ABI3BP: variants seen among roughly 807,000 people sequenced by gnomAD.
The protein encoded by ABI3BP is ABI family member 3 binding protein.
Under a neutral mutation model 268.6 loss-of-function variants are expected in ABI3BP, and 216 were observed. The ratio of observed to expected loss-of-function variants is 0.80; its 90% CI spans 0.72 to 0.90. The LOEUF is 0.90. Among genes scored for constraint, ABI3BP ranks in the 40% least tolerant of loss-of-function variants. The probability of loss-of-function intolerance (pLI) is 0.00; values close to 1 mark genes in which losing one functional copy is unlikely to be tolerated. For synonymous variants in ABI3BP, 730 were observed against 730.0 expected (o/e 1.00, Z 0.00); for missense variants, 2,090 against 2,182.4 (o/e 0.96, Z 0.84).
Position 100,778,388 on chromosome 3 carries a change from G to T in ABI3BP, c.4241-12C>A. 2 of 1,607,678 alleles carry T rather than the reference G, an allele frequency of 1.2e-6. No individual in the cohort carries two copies. The highest frequency in any genetic ancestry group is 1.3e-5 in the African/African-American group (1 of 74,706). Reference sequence around the variant, plus strand: ...TGGGCGGCGAGTCCCTGGGATTGTGGATAAGAGATTGTATTTTAGATAAAG... The same window carrying T: ...TGGGCGGCGAGTCCCTGGGATTGTGTATAAGAGATTGTATTTTAGATAAAG... On this transcript the variant is annotated splice_polypyrimidine_tract_variant and intron_variant, in intron 58 of 67. Coordinates refer to ENST00000471714, the MANE Select transcript of ABI3BP (RefSeq NM_001375547.2).
chr3:100,855,780 A>G (rs2098932607), intron 14 of ABI3BP, among the ~76,000 whole-genome samples: 1 of 152,260 alleles, frequency 6.6e-6, no homozygotes. Flanking sequence ...AAATATATGA[A>G]GGAGCAATGA....
At chr3:100,950,014 T>C (rs1294564756) in intron 1 of ABI3BP, among the ~76,000 whole-genome samples, 1 of 152,214 alleles carries the variant, frequency 6.6e-6, no homozygotes, top group Non-Finnish European at 1.5e-5. Flanking sequence ...GAAGATTAAG[T>C]AAAACAGATT....
chr3:100,923,623 T>C (rs2153627947), intron 2 of ABI3BP, among the ~76,000 whole-genome samples: 1 of 152,236 alleles, frequency 6.6e-6, no homozygotes, highest in South Asian at 2.1e-4. Context: ...CTCATAACAA[T>C]GAAAATTTAC....
intron 14 of ABI3BP, among the ~76,000 whole-genome samples, chr3:100,860,537 T>C (rs1560937143): frequency 1.3e-5 from 2 of 152,346 alleles, no homozygotes; most frequent in Admixed American, 1.3e-4. Flanking sequence ...TTTCCTTTAT[T>C]GGCATTTCCG....
At chr3:100,818,750 G>A (rs1476766970) in intron 40 of ABI3BP, among the ~76,000 whole-genome samples, 169 bp from the exon 41 acceptor site, 2 of 152,040 alleles carry the variant, frequency 1.3e-5, no homozygotes, top group African/African-American at 4.8e-5. Context: ...TTTTTAAAAG[G>A]CACTTAGTCA....
chr3:100,848,485 TC>T (rs1205559546), intron 18 of ABI3BP, among the ~76,000 whole-genome samples: 1 of 137,548 alleles, frequency 7.3e-6, no homozygotes, highest in Non-Finnish European at 1.6e-5. Flanking sequence ...TTTTTTTTTT[TC>T]CCTGAGATAG....
At chr3:100,756,839 G>C (rs757550060) in intron 63 of ABI3BP, among the ~76,000 whole-genome samples, 15 of 104,068 alleles carry the variant, frequency 1.4e-4, no homozygotes, top group Non-Finnish European at 2.2e-4. Context: ...AAATTATTTT[G>C]CACTAAATTT....
intron 27 of ABI3BP, among the ~76,000 whole-genome samples, chr3:100,836,119 C>T (rs1019353570): frequency 3.9e-5 from 6 of 152,128 alleles, no homozygotes; most frequent in Middle Eastern, 3.4e-3. Flanking sequence ...AAGTCTTGTA[C>T]GTTTTATTTG....
Position 100,753,835 on chromosome 3 carries a change from C to A in ABI3BP, c.4944G>T (p.Val1648=), listed in dbSNP as rs1207693423. 4.3e-6 allele frequency: 7 copies of A among 1,610,994 alleles called. No homozygotes were observed. The highest frequency in any genetic ancestry group is 1.7e-5 in the Admixed American group (1 of 59,634). The part of the protein sequence containing the change: ...AFSTESADPR[V]SEPVSAGRDA... ...GGTACTTACCAGAAACTGGCTCACTCACTCTTGGGTCCGCTGAGGAGAAAT... is the reference window on the plus strand; with the variant it reads ...GGTACTTACCAGAAACTGGCTCACTAACTCTTGGGTCCGCTGAGGAGAAAT... Residue 1648 remains valine (V), a synonymous_variant, in exon 65 of 68, where the codon GTG becomes GTT. Transcript: ENST00000471714.
chr3:100,885,769 CA>C (rs1164998534), intron 5 of ABI3BP, among the ~76,000 whole-genome samples, 181 bp from the exon 6 acceptor site: 18 of 151,966 alleles, frequency 1.2e-4, no homozygotes. Flanking sequence ...GAAGAAAGCT[CA>C]AGGTTCCCGA....
intron 37 of ABI3BP, 76 bp downstream of exon 37, chr3:100,823,382 T>C: frequency 7.8e-7 from 1 of 1,289,394 alleles, no homozygotes; most frequent in Non-Finnish European, 1.1e-6. Flanking sequence ...GACACTGTTG[T>C]CTCAAGAAAC....
intron 26 of ABI3BP, 147 bp downstream of exon 26, chr3:100,838,063 C>T: frequency 1.2e-6 from 1 of 864,632 alleles, no homozygotes; most frequent in Non-Finnish European, 1.8e-6. Flanking sequence ...GCACTTAAAA[C>T]ATCAGTGTGG....
chr3:100,784,709 G>T (rs1181849031), intron 57 of ABI3BP, among the ~76,000 whole-genome samples: 1 of 152,120 alleles, frequency 6.6e-6, no homozygotes, highest in African/African-American at 2.4e-5. Flanking sequence ...GATAAAAAAG[G>T]AACATGATAA....
chr3:100,890,367 G>C (rs963218408), intron 4 of ABI3BP, among the ~76,000 whole-genome samples: 2 of 151,980 alleles, frequency 1.3e-5, no homozygotes, highest in African/African-American at 4.8e-5. Context: ...TTCCTCTAAA[G>C]GGTCTCTCTT....
intron 1 of ABI3BP, 41 bp downstream of exon 1, chr3:100,993,265 C>A (rs1320691345): frequency 7.5e-7 from 1 of 1,339,038 alleles, no homozygotes; most frequent in Non-Finnish European, 1.0e-6. Context: ...ACATCTATAT[C>A]TTAATATTAT....
intron 4 of ABI3BP, among the ~76,000 whole-genome samples, chr3:100,895,664 A>T (rs996921455): frequency 6.6e-6 from 1 of 152,196 alleles, no homozygotes; most frequent in Non-Finnish European, 1.5e-5. Context: ...TTTTGTAAAA[A>T]GATACTCCTG....
At chr3:100,883,611 T>C (rs2040478483) in intron 6 of ABI3BP, among the ~76,000 whole-genome samples, 1 of 152,080 alleles carries the variant, frequency 6.6e-6, no homozygotes, top group African/African-American at 2.4e-5. Flanking sequence ...TAGCCAACAA[T>C]TTAGCGATGA....
intron 1 of ABI3BP, among the ~76,000 whole-genome samples, chr3:100,979,037 G>C (rs771602536): frequency 1.2e-4 from 18 of 152,138 alleles, no homozygotes; most frequent in Non-Finnish European, 1.5e-4. Flanking sequence ...AGTATCATCT[G>C]GGAACTTGTG....
chr3:100,953,605 G>T (rs1019616590), intron 1 of ABI3BP, among the ~76,000 whole-genome samples: 9 of 88,782 alleles, frequency 1.0e-4, no homozygotes, highest in African/African-American at 3.6e-4. Flanking sequence ...ACACTTCTCG[G>T]AGAAAGAAAT....
Sources: allele counts gnomAD v4.1 joint callset (sites outside exome capture counted in the v4.1 genomes callset), GRCh38; gene constraint gnomAD v4.1.1; transcripts MANE v1.5; gene names NCBI Gene and HGNC (gene_info 2026-07-23, HGNC 2026-07-21).